CA10: variants seen among roughly 807,000 people sequenced by gnomAD.
The protein encoded by CA10 is carbonic anhydrase 10 (inactive).
In CA10, 14 loss-of-function variants were observed where a neutral mutation model predicts 44.2. The ratio of observed to expected loss-of-function variants is 0.32; its 90% CI spans 0.21 to 0.50. CA10 has a LOEUF of 0.50. CA10 is among the 20% of genes least tolerant of loss of function. The pLI is 0.99. For missense variants in CA10, 350 were observed against 409.7 expected, an observed-to-expected ratio of 0.85 and a Z score of 1.26; for synonymous variants, 159 against 141.6, an observed-to-expected ratio of 1.12 and a Z score of -0.87.
At chr17:51,914,622 C>T (rs1219553813) in intron 3 of CA10, among the ~76,000 whole-genome samples, 1 of 152,164 alleles carries the variant, frequency 6.6e-6, no homozygotes, top group African/African-American at 2.4e-5. Context: ...GAGCACCCAC[C>T]ATCCCTCATG....
At chr17:51,888,795 G>T (rs1246209486) in intron 3 of CA10, among the ~76,000 whole-genome samples, 2 of 152,096 alleles carry the variant, frequency 1.3e-5, no homozygotes, top group Admixed American at 1.3e-4. Context: ...ATTACCTATT[G>T]CTACATAATA....
intron 3 of CA10, among the ~76,000 whole-genome samples, chr17:51,836,825 G>A (rs1908494594): frequency 6.6e-6 from 1 of 152,062 alleles, no homozygotes; most frequent in Non-Finnish European, 1.5e-5. Flanking sequence ...GAGGGTGTGG[G>A]TACAGTAAAT....
chr17:51,994,106 A>G (rs1334353492), intron 2 of CA10, among the ~76,000 whole-genome samples: 1 of 152,072 alleles, frequency 6.6e-6, no homozygotes. Flanking sequence ...ACTGGAGGCA[A>G]CAAATGGTGA....
intron 3 of CA10, among the ~76,000 whole-genome samples, chr17:51,926,455 C>A (rs1982433078): frequency 6.6e-6 from 1 of 152,162 alleles, no homozygotes; most frequent in Non-Finnish European, 1.5e-5. Context: ...GGCACTGCAA[C>A]AAATTACCCC....
chr17:52,040,765 A>G lies in CA10; in HGVS notation c.136+31554T>C, dbSNP rs562395082. On this transcript the variant is annotated intron_variant, in intron 2 of 8. Coordinates refer to ENST00000451037, the MANE Select transcript of CA10 (RefSeq NM_020178.5). Reference sequence around the variant, plus strand: ...TTCGGAGAGACCAAGGCAGCTAGAAATCATGGTGCAAGTTACTGAAGAGGA... The same window carrying G: ...TTCGGAGAGACCAAGGCAGCTAGAAGTCATGGTGCAAGTTACTGAAGAGGA... Among the ~76,000 whole-genome samples the G allele has an allele frequency of 5.9e-5, 9 of 152,216 alleles. No homozygotes were observed. The East Asian group carries it at 1.8e-3, about 30-fold the overall frequency.
chr17:51,769,337 A>G (rs573197961), intron 3 of CA10, among the ~76,000 whole-genome samples: 9 of 152,282 alleles, frequency 5.9e-5, no homozygotes, highest in Admixed American at 5.9e-4. Flanking sequence ...AATATAATAC[A>G]AAGATAAAAG....
intron 4 of CA10, among the ~76,000 whole-genome samples, chr17:51,688,042 T>C (rs1915065032): frequency 6.6e-6 from 1 of 152,176 alleles, no homozygotes; most frequent in Non-Finnish European, 1.5e-5. Context: ...TATGCTCCCT[T>C]GGATCACCTG....
intron 4 of CA10, among the ~76,000 whole-genome samples, chr17:51,732,702 C>G (rs571760993): frequency 2.6e-5 from 4 of 152,070 alleles, no homozygotes; most frequent in African/African-American, 7.2e-5. Context: ...CAGATCCTCT[C>G]GGGGAAAACC....
intron 2 of CA10, among the ~76,000 whole-genome samples, chr17:52,068,809 T>C (rs1987603134): frequency 6.6e-6 from 1 of 152,242 alleles, no homozygotes; most frequent in Admixed American, 6.5e-5. Flanking sequence ...GGCTTCTCCT[T>C]ACATGGCATG....
chr17:51,894,194 C>T (rs939239452), intron 3 of CA10, among the ~76,000 whole-genome samples: 9 of 151,972 alleles, frequency 5.9e-5, no homozygotes, highest in African/African-American at 2.2e-4. Context: ...GCTTTCTCAG[C>T]AAAATTCTGG....
chr17:51,727,375 G>C (rs1916559887), intron 4 of CA10, among the ~76,000 whole-genome samples: 1 of 151,142 alleles, frequency 6.6e-6, no homozygotes, highest in East Asian at 2.0e-4. Flanking sequence ...AATGAACCCA[G>C]ATTAATGAGA....
intron 3 of CA10, among the ~76,000 whole-genome samples, chr17:51,754,587 G>A (rs1397028401): frequency 6.6e-6 from 1 of 151,600 alleles, no homozygotes; most frequent in East Asian, 1.9e-4. Context: ...TTTTCATTCA[G>A]GGAGGTCAGT....
intron 3 of CA10, among the ~76,000 whole-genome samples, chr17:51,819,651 C>A (rs556509347): frequency 7.2e-5 from 11 of 152,338 alleles, no homozygotes; most frequent in African/African-American, 2.4e-4. Context: ...AATAAAGTAA[C>A]TTTCCAGCAG....
At chr17:52,062,648 A>G (rs1469854488) in intron 2 of CA10, among the ~76,000 whole-genome samples, 1 of 152,112 alleles carries the variant, frequency 6.6e-6, no homozygotes, top group Non-Finnish European at 1.5e-5. Flanking sequence ...CCCACATACT[A>G]TTTCAGCTGG....
intron 1 of CA10, among the ~76,000 whole-genome samples, chr17:52,156,536 A>T (rs1989807157): frequency 6.6e-6 from 1 of 152,210 alleles, no homozygotes; most frequent in African/African-American, 2.4e-5. Context: ...TTTGGAACAG[A>T]GTCCAGGGTG....
rs1989851142 is a variant in CA10, at chr17:52,158,190, GC to G, written c.-405del. On this transcript the variant is annotated 5_prime_UTR_variant, in exon 1 of 9. An upstream open reading frame in the 5' UTR gains an earlier in-frame stop. Transcript: ENST00000451037. ...AAAACGAGACCCCGATTCGTCTGGC[GC>G]CCCAAGAAGACATAGACGATAGCCC... is the stretch of plus-strand genomic sequence containing the variant. 1 of 321,088 alleles carries G rather than the reference GC, an allele frequency of 3.1e-6. No homozygotes were observed. Among genetic ancestry groups the G allele is most frequent in the South Asian group, 2.8e-5 (1 of 35,318 alleles). The allele number at this position is 321,088 out of a possible 1,614,324, so 19.9% of individuals were successfully genotyped here.
chr17:52,108,728 A>G (rs893839555), intron 1 of CA10, among the ~76,000 whole-genome samples: 2 of 146,160 alleles, frequency 1.4e-5, no homozygotes, highest in African/African-American at 5.1e-5. Flanking sequence ...AAAAAAAAAA[A>G]GAATGATGCA....
intron 3 of CA10, chr17:51,763,426 T>C (rs547036548): frequency 3.3e-5 from 5 of 152,332 alleles, no homozygotes; most frequent in African/African-American, 4.8e-5. Flanking sequence ...ATTTGTACAA[T>C]TGATCCAGCT....
intron 1 of CA10, among the ~76,000 whole-genome samples, chr17:52,131,732 T>C (rs1194690795): frequency 2.0e-5 from 3 of 152,162 alleles, no homozygotes; most frequent in Admixed American, 2.0e-4. Context: ...GGATTTAGTT[T>C]ATCAAAATAG....
Sources: allele counts gnomAD v4.1 joint callset (sites outside exome capture counted in the v4.1 genomes callset), GRCh38; gene constraint gnomAD v4.1.1; transcripts MANE v1.5; gene names NCBI Gene and HGNC (gene_info 2026-07-23, HGNC 2026-07-21).